Variants in KIF26A observed in about 807,000 individuals in gnomAD.
KIF26A encodes kinesin-like protein KIF26A.
Under a neutral mutation model 126.0 loss-of-function variants are expected in KIF26A, and 74 were observed. The observed-to-expected ratio is 0.59, with a 90% CI of 0.49 to 0.71. The LOEUF (loss-of-function observed/expected upper bound fraction) is 0.71, where lower values mean the gene tolerates loss of function less well. Among genes scored for constraint, KIF26A ranks in the 30% least tolerant of loss-of-function variants. The probability of loss-of-function intolerance (pLI) is 0.00; values close to 1 mark genes in which losing one functional copy is unlikely to be tolerated. For missense variants in KIF26A, 2,984 were observed against 2,763.3 expected (o/e 1.08, Z -1.79); for synonymous variants, 1,445 against 1,232.7 (o/e 1.17, Z -3.61).
intron 4 of KIF26A, among the ~76,000 whole-genome samples, chr14:104,164,841 ATGTG>A (rs897252339): frequency 6.9e-6 from 1 of 145,802 alleles, no homozygotes; most frequent in Non-Finnish European, 1.5e-5. Context: ...GTGTCTGAGT[ATGTG>A]TGTGTGTCTC....
chr14:104,176,322 G>A lies in KIF26A; in HGVS notation c.3534G>A (p.Gly1178=). 1 of 1,585,444 alleles carries A rather than the reference G, an allele frequency of 6.3e-7. No homozygotes were observed. The highest frequency in any genetic ancestry group is 8.6e-7 in the Non-Finnish European group (1 of 1,162,864). The change falls in exon 12 of 15, where the codon GGG becomes GGA. Residue 1178 remains glycine, a synonymous_variant. Transcript: ENST00000423312. ...SPGPTWGPCP[G]EVAAVAPSRP... is the part of the protein sequence containing the mutation. ...GGCCAACCTGGGGTCCGTGCCCTGG[G>A]GAAGTGGCTGCAGTGGCCCCATCCC...
chr14:104,152,049 T>C lies in KIF26A; in HGVS notation c.323T>C (p.Leu108Pro). 1 of 1,612,594 alleles carries C rather than the reference T, an allele frequency of 6.2e-7. No homozygotes were observed. The highest frequency in any genetic ancestry group is 8.5e-7 in the Non-Finnish European group (1 of 1,179,776). Reference protein sequence around the residue: ...PCLSALLLDKLPAPGALPACR... With the variant: ...PCLSALLLDKPPAPGALPACR... ...CTCTCTGCCCTGCTTCTCGACAAGC[T>C]ACCAGCACCTGGGGCCCTGCCAGCC... Residue 108 changes from leucine (L) to proline (P), a missense_variant, in exon 3 of 15, where the codon CTA becomes CCA. Physicochemically the swap from Leu to Pro is moderately conservative, Grantham distance 98 (BLOSUM62 -3). Coordinates refer to ENST00000423312, the MANE Select transcript of KIF26A (RefSeq NM_015656.2). The surrounding 1 kb of genome is among the most constrained non-coding windows in gnomAD (Gnocchi z 5.9).
Position 104,173,758 on chromosome 14 carries a change from G to A in KIF26A, c.1920G>A (p.Ala640=), listed in dbSNP as rs773745207. Residue 640 remains alanine, a synonymous_variant, in exon 10 of 15, where the codon GCG becomes GCA. Coordinates refer to ENST00000423312, the MANE Select transcript of KIF26A (RefSeq NM_015656.2). Reference sequence around the variant, plus strand: ...TCATCGACCTGGGCAGCTGTGAGGCGGCGGCTGGCAGGGCCGGGGAGGCTG... The same window carrying A: ...TCATCGACCTGGGCAGCTGTGAGGCAGCGGCTGGCAGGGCCGGGGAGGCTG... The part of the protein sequence containing the change: ...LHLIDLGSCE[A]AAGRAGEAAG... The A allele has an allele frequency of 2.3e-5, 37 of 1,610,102 alleles. No individual in the cohort carries two copies. The South Asian group carries it at 3.2e-4, about 14-fold the overall frequency.
intron 4 of KIF26A, among the ~76,000 whole-genome samples, chr14:104,163,818 C>T (rs1350770118): frequency 6.6e-6 from 1 of 151,916 alleles, no homozygotes; most frequent in East Asian, 2.0e-4. Context: ...AGCATTTACC[C>T]AATACCGTGC....
At chr14:104,163,797 C>T (rs1008703158) in intron 4 of KIF26A, among the ~76,000 whole-genome samples, 6 of 151,804 alleles carry the variant, frequency 4.0e-5, no homozygotes, top group African/African-American at 1.2e-4. Flanking sequence ...TGGACCTCAC[C>T]CGGCATCGCC....
intron 2 of KIF26A, among the ~76,000 whole-genome samples, chr14:104,145,040 C>T (rs908978799): frequency 6.6e-6 from 1 of 152,236 alleles, no homozygotes; most frequent in Non-Finnish European, 1.5e-5. Context: ...CTGAGCTCTG[C>T]ACCCACGCTG....
rs1177789966 is a variant in KIF26A, at chr14:104,173,083, G to A, written c.1527G>A (p.Arg509=). The change falls in exon 8 of 15, where the codon AGG becomes AGA. Residue 509 remains arginine (R), a synonymous_variant. Transcript: ENST00000423312. ...LFRLIEERRE[R]TGTRFSVRVS... ...GGCTCATCGAGGAGCGCAGGGAGAG[G>A]ACGGGCACCCGCTTCTCCGTCCGGG... 1.9e-6 allele frequency: 3 copies of A among 1,605,048 alleles called. No individual in the cohort carries two copies. Among genetic ancestry groups the A allele is most frequent in the Non-Finnish European group, 2.5e-6 (3 of 1,176,732 alleles).
chr14:104,166,307 G>A (rs769962384), intron 4 of KIF26A, among the ~76,000 whole-genome samples: 4 of 152,140 alleles, frequency 2.6e-5, no homozygotes, highest in African/African-American at 2.4e-5. Flanking sequence ...GATTAATTGA[G>A]CCCTTCCTGT....
chr14:104,140,975 G>A (rs983131906), intron 2 of KIF26A, among the ~76,000 whole-genome samples: 1 of 152,172 alleles, frequency 6.6e-6, no homozygotes, highest in East Asian at 1.9e-4. Context: ...AGGGTGCTGT[G>A]CCCCCGGGAG....
rs1213920292 is a variant in KIF26A, at chr14:104,178,747, C to T, written c.5308C>T (p.Pro1770Ser). 3 of 1,522,908 alleles carry T rather than the reference C, an allele frequency of 2.0e-6. No homozygotes were observed. Among genetic ancestry groups the T allele is most frequent in the Non-Finnish European group, 2.7e-6 (3 of 1,126,270 alleles). The allele number at this position is 1,522,908 out of a possible 1,614,324, so 94.3% of individuals were successfully genotyped here. ...GCCCCGCCCCACCCCGAGGGAGGCC[C>T]CCACCCAGGTAGGGCCTTTGGTGGG... ...QRPRPTPREA[P>S]TQGLACVSTR... Residue 1770 changes from proline (P) to serine (S), a missense_variant, in exon 13 of 15, where the codon CCC (proline) becomes TCC (serine). By Grantham distance (74) the Pro-to-Ser change is moderately conservative. Transcript: ENST00000423312.
At position 104,148,553 on chromosome 14, in the gene KIF26A, G is replaced by A. The variant is rs2037700200; in HGVS notation, c.289-3462G>A. 6.6e-6 allele frequency among the ~76,000 whole-genome samples: 1 copy of A among 151,948 alleles called. No homozygotes were observed. The highest frequency in any genetic ancestry group is 2.4e-5 in the African/African-American group (1 of 41,342). ...CCCCGTGAGCTGCCGGGATGGCTGGGAGAGGAGGCCTGGTCCCACTGCCCA... is the reference window on the plus strand; with the variant it reads ...CCCCGTGAGCTGCCGGGATGGCTGGAAGAGGAGGCCTGGTCCCACTGCCCA... On this transcript the variant is annotated intron_variant, in intron 2 of 14. Transcript: ENST00000423312. This position sits in a 1 kb window ranked among gnomAD's most constrained non-coding sequence, Gnocchi z 4.3.
At chr14:104,165,741 A>ATG (rs1406469564) in intron 4 of KIF26A, among the ~76,000 whole-genome samples, 3 of 132,272 alleles carry the variant, frequency 2.3e-5, no homozygotes, top group Non-Finnish European at 4.8e-5. Context: ...CTGTATGCAT[A>ATG]TGTGTGTCTG....
Position 104,179,997 on chromosome 14 carries a change from G to A in KIF26A, c.*207G>A, listed in dbSNP as rs138054990. 2.9e-3 allele frequency: 1,428 copies of A among 488,308 alleles called. 12 individuals carry two copies. Among genetic ancestry groups the A allele is most frequent in the African/African-American group, 0.022 (1,127 of 50,294 alleles). The allele number at this position is 488,308 out of a possible 1,614,324, so 30.2% of individuals were successfully genotyped here. A position where few individuals can be genotyped will look rare whatever the true frequency, so the allele number is the denominator to read the frequency against. On this transcript the variant is annotated 3_prime_UTR_variant, in exon 15 of 15. Transcript: ENST00000423312. Reference sequence around the variant, plus strand: ...AGGGTGCCAGGGTGACCAGAAGACCGTCACCACCCGACAGCAACGCAAGTG... The same window carrying A: ...AGGGTGCCAGGGTGACCAGAAGACCATCACCACCCGACAGCAACGCAAGTG...
Position 104,166,956 on chromosome 14 carries a change from A to G in KIF26A, c.1021A>G (p.Ser341Gly). ...RGTSTYPTDF[S>G]GVLQLWPPPA... Reference sequence around the variant, plus strand: ...CACCTCCACCTACCCCACCGACTTCAGCGGGGTCCTGCAGCTGTGGCCGCC... The same window carrying G: ...CACCTCCACCTACCCCACCGACTTCGGCGGGGTCCTGCAGCTGTGGCCGCC... The change falls in exon 5 of 15, where the codon AGC (serine) becomes GGC (glycine). Residue 341 changes from serine (S) to glycine (G), a missense_variant. Physicochemically the swap from Ser to Gly is moderately conservative, Grantham distance 56. Coordinates refer to ENST00000423312, the MANE Select transcript of KIF26A (RefSeq NM_015656.2). 6.3e-7 allele frequency: 1 copy of G among 1,591,348 alleles called. No homozygotes were observed. Among genetic ancestry groups the G allele is most frequent in the East Asian group, 2.3e-5 (1 of 43,740 alleles).
chr14:104,163,166 C>G (rs1297557563), intron 4 of KIF26A, among the ~76,000 whole-genome samples: 1 of 152,154 alleles, frequency 6.6e-6, no homozygotes, highest in African/African-American at 2.4e-5. Context: ...AGAGCAGACA[C>G]TGGTGAAATC....
In KIF26A at chr14:104,179,824, G is replaced by T. The variant is rs6576019; in HGVS notation, c.*34G>T. 6.2e-3 allele frequency: 9,299 copies of T among 1,489,582 alleles called. 502 individuals are homozygous for T. The African/African-American group carries it at 0.12, about 18-fold the overall frequency. 92.3% of individuals were successfully genotyped at this position (1,489,582 alleles called of 1,614,324 possible). A position where few individuals can be genotyped will look rare whatever the true frequency, so the allele number is the denominator to read the frequency against. ...GCCGGACAAGAGGAGGGGGCGTGCA[G>T]CGGGCTGGAGGACGGGACGTGGGAC... On this transcript the variant is annotated 3_prime_UTR_variant, in exon 15 of 15. Coordinates refer to ENST00000423312, the MANE Select transcript of KIF26A (RefSeq NM_015656.2).
Position 104,152,316 on chromosome 14 carries a change from G to C in KIF26A, c.590G>C (p.Trp197Ser), listed in dbSNP as rs2037737444. The C allele has an allele frequency of 1.3e-6, 2 of 1,580,452 alleles. No individual in the cohort carries two copies. The highest frequency in any genetic ancestry group is 1.7e-6 in the Non-Finnish European group (2 of 1,166,010). ...CCAGACAGGACCAAGGGGCTGGCCT[G>C]GTCCCCCGGGCCCAGTGTCCAGGTG... is the stretch of plus-strand genomic sequence containing the variant. ...AGPDRTKGLAWSPGPSVQVSV... is the reference protein window; with the variant it reads ...AGPDRTKGLASSPGPSVQVSV... Residue 197 changes from tryptophan (W) to serine (S), a missense_variant, in exon 3 of 15, where the codon TGG becomes TCG. Coordinates refer to ENST00000423312, the MANE Select transcript of KIF26A (RefSeq NM_015656.2). This position sits in a 1 kb window ranked among gnomAD's most constrained non-coding sequence, Gnocchi z 5.9.
chr14:104,162,979 G>A (rs2037846872), intron 4 of KIF26A, among the ~76,000 whole-genome samples: 1 of 152,236 alleles, frequency 6.6e-6, no homozygotes, highest in African/African-American at 2.4e-5. Context: ...AGGCAGCAGG[G>A]TGGGGTAGCC....
chr14:104,174,210 T>C lies in KIF26A; in HGVS notation c.2093T>C (p.Met698Thr). The C allele has an allele frequency of 6.3e-7, 1 of 1,586,802 alleles. No individual in the cohort carries two copies. The highest frequency in any genetic ancestry group is 8.6e-7 in the Non-Finnish European group (1 of 1,167,862). The change falls in exon 11 of 15, where the codon ATG becomes ACG. Residue 698 changes from methionine (M) to threonine (T), a missense_variant. Met to Thr is a moderately conservative substitution (Grantham distance 81). Transcript: ENST00000423312. The stretch of plus-strand genomic sequence containing the variant: ...GCCACCGCTGGCTGCCGCACCACCA[T>C]GATCGCCCACGTGTCGGATGCGCCA... ...SLATAGCRTT[M>T]IAHVSDAPAQ...
Sources: allele counts gnomAD v4.1 joint callset (sites outside exome capture counted in the v4.1 genomes callset), GRCh38; gene constraint gnomAD v4.1.1; non-coding constraint Gnocchi (gnomAD v3.1); transcripts MANE v1.5; gene names NCBI Gene and HGNC (gene_info 2026-07-23, HGNC 2026-07-21).